The following CTNND2 variants were observed in gnomAD, a reference collection of about 807,000 sequenced individuals.
The protein encoded by CTNND2 is catenin delta-2.
In CTNND2, 22 loss-of-function variants were observed where a neutral mutation model predicts 144.4. The ratio of observed to expected loss-of-function variants is 0.15; its 90% CI spans 0.11 to 0.22. CTNND2 has a LOEUF of 0.22. Among genes scored for constraint, CTNND2 ranks in the 10% least tolerant of loss-of-function variants. The pLI is 1.00. For synonymous variants in CTNND2, 751 were observed against 695.6 expected (o/e 1.08, Z -1.25); for missense variants, 1,353 against 1,618.8 (o/e 0.84, Z 2.82).
At chr5:11,269,372 C>A (rs777986501) in intron 9 of CTNND2, among the ~76,000 whole-genome samples, 3 of 152,128 alleles carry the variant, frequency 2.0e-5, no homozygotes, top group Non-Finnish European at 4.4e-5. Context: ...AATCTATTCT[C>A]GTTTATTATA....
intron 1 of CTNND2, among the ~76,000 whole-genome samples, chr5:11,884,922 T>G (rs1346173781): frequency 7.0e-6 from 1 of 143,762 alleles, no homozygotes; most frequent in Non-Finnish European, 1.6e-5. Context: ...GATAATCATA[T>G]AGTGTTTTGT....
intron 16 of CTNND2, among the ~76,000 whole-genome samples, chr5:11,049,579 G>A (rs1167136792): frequency 1.3e-5 from 2 of 152,156 alleles, no homozygotes; most frequent in Admixed American, 6.5e-5. Flanking sequence ...GTTTACCCCA[G>A]TCAGCAGGTG....
chr5:11,580,132 T>C (rs1278603143), intron 2 of CTNND2, among the ~76,000 whole-genome samples: 1 of 151,108 alleles, frequency 6.6e-6, no homozygotes, highest in Non-Finnish European at 1.5e-5. Flanking sequence ...TTTTTTTTTT[T>C]CTCAAAAAGC....
intron 2 of CTNND2, among the ~76,000 whole-genome samples, chr5:11,670,314 C>G (rs1783815674): frequency 6.6e-6 from 1 of 152,132 alleles, no homozygotes; most frequent in African/African-American, 2.4e-5. Context: ...TGTAAATTTT[C>G]TGTCTCATTG....
intron 1 of CTNND2, among the ~76,000 whole-genome samples, chr5:11,805,934 T>C (rs1791969581): frequency 6.6e-6 from 1 of 152,142 alleles, no homozygotes; most frequent in Non-Finnish European, 1.5e-5. Context: ...TCAACGTCAA[T>C]AATGGTCAGT....
At chr5:11,503,289 G>C (rs957968703) in intron 3 of CTNND2, among the ~76,000 whole-genome samples, 3 of 152,196 alleles carry the variant, frequency 2.0e-5, no homozygotes, top group Non-Finnish European at 2.9e-5. Context: ...CTTAGTGAGG[G>C]CTGAAAGTCC....
intron 12 of CTNND2, among the ~76,000 whole-genome samples, chr5:11,159,220 T>C (rs1035045205): frequency 6.6e-6 from 1 of 152,112 alleles, no homozygotes; most frequent in Admixed American, 6.5e-5. Flanking sequence ...GCCCAACCAG[T>C]CAGCCTGCCT....
At chr5:11,203,515 T>A (rs1216575663) in intron 10 of CTNND2, among the ~76,000 whole-genome samples, 1 of 152,212 alleles carries the variant, frequency 6.6e-6, no homozygotes, top group Non-Finnish European at 1.5e-5. Context: ...CGATCTTGGC[T>A]CACTGCAACC....
At chr5:11,839,093 C>A (rs964783557) in intron 1 of CTNND2, among the ~76,000 whole-genome samples, 1 of 151,982 alleles carries the variant, frequency 6.6e-6, no homozygotes, top group Non-Finnish European at 1.5e-5. Flanking sequence ...AATTCAGAGG[C>A]GTCTAGCTCT....
chr5:11,435,098 A>T (rs1763642273), intron 3 of CTNND2, among the ~76,000 whole-genome samples: 1 of 151,020 alleles, frequency 6.6e-6, no homozygotes, highest in African/African-American at 2.4e-5. Flanking sequence ...ACAGATTAGC[A>T]AACGTTTTCT....
chr5:11,866,050 C>A (rs1795755028), intron 1 of CTNND2, among the ~76,000 whole-genome samples: 1 of 152,104 alleles, frequency 6.6e-6, no homozygotes, highest in Non-Finnish European at 1.5e-5. Flanking sequence ...CACCTGTAAT[C>A]CCAACACTAT....
chr5:11,092,481 C>T (rs1339042585), intron 15 of CTNND2, among the ~76,000 whole-genome samples: 1 of 152,176 alleles, frequency 6.6e-6, no homozygotes, highest in Non-Finnish European at 1.5e-5. Context: ...CGTGCTGCTT[C>T]CCGGGTCTTG....
intron 9 of CTNND2, among the ~76,000 whole-genome samples, chr5:11,243,102 CATT>C (rs1366556061): frequency 6.6e-6 from 1 of 152,206 alleles, no homozygotes; most frequent in African/African-American, 2.4e-5. Context: ...TTCATTTAGA[CATT>C]ATACTTATTT....
In CTNND2 at chr5:11,837,087, AACC is replaced by A. The variant is rs550014568; in HGVS notation, c.37+66727_37+66729del. On this transcript the variant is annotated intron_variant, in intron 1 of 21. Coordinates refer to ENST00000304623, the MANE Select transcript of CTNND2 (RefSeq NM_001332.4). ...ACTTGTTGTTTTCTGACTTTGGTTC[AACC>A]ACCACAATTCTCAGGGTGACCACTT... Among the ~76,000 whole-genome samples, 258 of 152,350 alleles carry A rather than the reference AACC, an allele frequency of 1.7e-3. 1 individual carries two copies. The highest frequency in any genetic ancestry group is 0.01 in the Middle Eastern group (3 of 294).
Position 11,117,695 on chromosome 5 carries a change from G to T in CTNND2, c.2160-128C>A, listed in dbSNP as rs529219753. 5.6e-6 allele frequency: 4 copies of T among 712,546 alleles called. No individual in the cohort carries two copies. In the Admixed American group the frequency reaches 8.8e-5, roughly 16 times the overall value. The allele number at this position is 712,546 out of a possible 1,614,324, so 44.1% of individuals were successfully genotyped here. A position where few individuals can be genotyped will look rare whatever the true frequency, so the allele number is the denominator to read the frequency against. ...CCCACTTTTTCAGAATGCTTATCAAGAATATATCTTTAATGAAAAGGGATG... is the reference window on the plus strand; with the variant it reads ...CCCACTTTTTCAGAATGCTTATCAATAATATATCTTTAATGAAAAGGGATG... On this transcript the variant is annotated intron_variant, in intron 12 of 21. Transcript: ENST00000304623.
intron 1 of CTNND2, among the ~76,000 whole-genome samples, chr5:11,749,815 GT>G (rs749136630): frequency 1.1e-4 from 16 of 151,868 alleles, no homozygotes; most frequent in Non-Finnish European, 2.2e-4. Flanking sequence ...GATATACAAT[GT>G]TTTTGTCATC....
At chr5:11,648,166 C>G (rs1186881737) in intron 2 of CTNND2, among the ~76,000 whole-genome samples, 1 of 144,276 alleles carries the variant, frequency 6.9e-6, no homozygotes, top group Non-Finnish European at 1.5e-5. Context: ...GCAGAGAGAA[C>G]AGTGACTTTT....
At chr5:11,165,066 T>C (rs2149777333) in intron 11 of CTNND2, among the ~76,000 whole-genome samples, 1 of 152,312 alleles carries the variant, frequency 6.6e-6, no homozygotes, top group Non-Finnish European at 1.5e-5. Context: ...GAAACTTCTG[T>C]AAGTATTATA....
chr5:11,903,717 C>T lies in CTNND2; in HGVS notation c.37+100G>A, dbSNP rs1582097145. ...CGCAGCAGCCGCCGCCGCCGCCTGCCGGCCGGGAGCCCAGGACCACCCCCA... is the reference window on the plus strand; with the variant it reads ...CGCAGCAGCCGCCGCCGCCGCCTGCTGGCCGGGAGCCCAGGACCACCCCCA... On this transcript the variant is annotated intron_variant, in intron 1 of 21. Transcript: ENST00000304623. This position sits in a 1 kb window ranked among gnomAD's most constrained non-coding sequence, Gnocchi z 5.4. 1.6e-6 allele frequency: 2 copies of T among 1,233,116 alleles called. No homozygotes were observed. Among genetic ancestry groups the T allele is most frequent in the South Asian group, 1.7e-5 (1 of 57,988 alleles). The allele number at this position is 1,233,116 out of a possible 1,614,324, so 76.4% of individuals were successfully genotyped here.
Sources: allele counts gnomAD v4.1 joint callset (sites outside exome capture counted in the v4.1 genomes callset), GRCh38; gene constraint gnomAD v4.1.1; non-coding constraint Gnocchi (gnomAD v3.1); transcripts MANE v1.5; gene names NCBI Gene and HGNC (gene_info 2026-07-23, HGNC 2026-07-21).